Variants in DIAPH1 observed in about 807,000 individuals in gnomAD.
The protein encoded by DIAPH1 is protein diaphanous homolog 1.
Under a neutral mutation model 140.7 loss-of-function variants are expected in DIAPH1, and 46 were observed. The ratio of observed to expected loss-of-function variants is 0.33; its 90% CI spans 0.26 to 0.42. The LOEUF (loss-of-function observed/expected upper bound fraction) is 0.42. Among genes scored for constraint, DIAPH1 ranks in the 10% least tolerant of loss-of-function variants. DIAPH1 has a pLI of 1.00. For missense variants in DIAPH1, 1,310 were observed against 1,558.7 expected (o/e 0.84, Z 2.69); for synonymous variants, 565 against 551.6 (o/e 1.02, Z -0.34).
At chr5:141,616,988 G>A (rs927744217) in intron 1 of DIAPH1, among the ~76,000 whole-genome samples, 2 of 152,146 alleles carry the variant, frequency 1.3e-5, no homozygotes, top group Non-Finnish European at 2.9e-5. Flanking sequence ...TCACAAGTTC[G>A]TGAAATAATT....
intron 1 of DIAPH1, among the ~76,000 whole-genome samples, chr5:141,597,161 G>A (rs934535947): frequency 1.3e-5 from 2 of 152,140 alleles, no homozygotes; most frequent in African/African-American, 2.4e-5. Context: ...TCCCAGTATT[G>A]AAGGATAAGT....
chr5:141,610,206 A>G (rs1199099993), intron 1 of DIAPH1, among the ~76,000 whole-genome samples: 1 of 152,086 alleles, frequency 6.6e-6, no homozygotes, highest in Non-Finnish European at 1.5e-5. Context: ...TGTATGGCTC[A>G]CTGCAACCTC....
chr5:141,610,782 TA>T (rs1014213668), intron 1 of DIAPH1, among the ~76,000 whole-genome samples: 1 of 150,426 alleles, frequency 6.6e-6, no homozygotes, highest in Admixed American at 6.6e-5. Context: ...AAATAAAACA[TA>T]AAAAAAATTA....
intron 18 of DIAPH1, among the ~76,000 whole-genome samples, chr5:141,557,001 T>C (rs1021619997): frequency 1.3e-5 from 2 of 152,142 alleles, no homozygotes; most frequent in African/African-American, 4.8e-5. Context: ...GGCAGAGATC[T>C]TTTTAAAAGA....
intron 27 of DIAPH1, among the ~76,000 whole-genome samples, chr5:141,521,200 TTAGA>T (rs2099886486): frequency 6.6e-6 from 1 of 152,212 alleles, no homozygotes; most frequent in African/African-American, 2.4e-5. Context: ...TATGGTTCTG[TTAGA>T]TGGATGGAGC....
intron 12 of DIAPH1, among the ~76,000 whole-genome samples, chr5:141,577,241 C>G (rs2099896101): frequency 6.6e-6 from 1 of 152,190 alleles, no homozygotes; most frequent in Non-Finnish European, 1.5e-5. Context: ...TTTACCTACT[C>G]CCCTCCAAAA....
intron 18 of DIAPH1, among the ~76,000 whole-genome samples, chr5:141,544,817 GGA>G (rs1342365298): frequency 6.6e-6 from 1 of 152,170 alleles, no homozygotes; most frequent in Admixed American, 6.5e-5. Context: ...CAGCCACTTT[GGA>G]AAACAGTTTG....
intron 1 of DIAPH1, among the ~76,000 whole-genome samples, chr5:141,589,851 T>A (rs1408507639): frequency 2.0e-5 from 3 of 152,216 alleles, no homozygotes; most frequent in Non-Finnish European, 4.4e-5. Flanking sequence ...TGTGAATTTT[T>A]CTTCATCCTG....
chr5:141,608,332 T>C (rs577702047), intron 1 of DIAPH1, among the ~76,000 whole-genome samples: 17 of 152,288 alleles, frequency 1.1e-4, no homozygotes, highest in Admixed American at 9.2e-4. Context: ...AGGGGTTGAA[T>C]TAGATAATTC....
In DIAPH1 at chr5:141,524,163, C is replaced by T. The variant is rs373679838; in HGVS notation, c.3641G>A (p.Arg1214Gln). ...CTTACCTTGACGGGGCCCTCTCTTCCGTCGGAATGCTGCCCCTGACTGCAG... is the reference window on the plus strand; with the variant it reads ...CTTACCTTGACGGGGCCCTCTCTTCTGTCGGAATGCTGCCCCTGACTGCAG... ...EALQSGAAFR[R>Q]KRGPRQANRK... Residue 1214 changes from arginine (R) to glutamine (Q), a missense_variant, in exon 27 of 28, where the codon CGG becomes CAG. Arg to Gln is a conservative substitution (Grantham distance 43). This residue lies in a region of DIAPH1 where 344 missense variants were observed against 512.2 expected (regional missense o/e 0.67). Transcript: ENST00000389054. The T allele has an allele frequency of 1.9e-5, 30 of 1,614,022 alleles. No homozygotes were observed. The highest frequency in any genetic ancestry group is 2.3e-5 in the Non-Finnish European group (27 of 1,180,032).
chr5:141,567,822 C>T (rs2099894607), intron 18 of DIAPH1, among the ~76,000 whole-genome samples: 1 of 152,200 alleles, frequency 6.6e-6, no homozygotes, highest in Non-Finnish European at 1.5e-5. Flanking sequence ...GACAGGTAAA[C>T]CTATCTGTTA....
In DIAPH1 at chr5:141,576,257, T is replaced by A; in HGVS notation, c.1434A>T (p.Glu478Asp). ...TCTTTTCCAGCTCTGCAGCTTTGGC[T>A]TCAGATTTCTCCACCTTTGTCTTAT... ...MIDKTKVEKS[E>D]AKAAELEKKL... The change falls in exon 14 of 28, where the codon GAA becomes GAT. Residue 478 changes from glutamate (E) to aspartate (D), a missense_variant. By Grantham distance (45) the Glu-to-Asp change is conservative (BLOSUM62 2). Coordinates refer to ENST00000389054, the MANE Select transcript of DIAPH1 (RefSeq NM_005219.5). The A allele has an allele frequency of 6.2e-7, 1 of 1,614,096 alleles. No individual in the cohort carries two copies. The highest frequency in any genetic ancestry group is 8.5e-7 in the Non-Finnish European group (1 of 1,179,912).
chr5:141,577,694 C>A, intron 11 of DIAPH1, 103 bp from the exon 12 acceptor site: 1 of 777,042 alleles, frequency 1.3e-6, no homozygotes, highest in Non-Finnish European at 2.3e-6. Flanking sequence ...AGCAAGACAC[C>A]ACTTCCATTC....
At chr5:141,517,080 T>C in intron 27 of DIAPH1, 72 bp from the exon 28 acceptor site, 2 of 1,570,968 alleles carry the variant, frequency 1.3e-6, no homozygotes, top group Non-Finnish European at 8.7e-7. Flanking sequence ...CTACAGCAGA[T>C]AATCAGCGTA....
intron 18 of DIAPH1, among the ~76,000 whole-genome samples, chr5:141,547,896 T>TA (rs558901029): frequency 8.0e-5 from 12 of 149,988 alleles, no homozygotes; most frequent in South Asian, 2.1e-4. Flanking sequence ...AAATCAGAGT[T>TA]AAAAAAAAAA....
intron 18 of DIAPH1, among the ~76,000 whole-genome samples, chr5:141,569,555 G>C (rs1016318143): frequency 5.9e-5 from 9 of 152,036 alleles, no homozygotes; most frequent in Non-Finnish European, 1.2e-4. Flanking sequence ...CTGAGGTCAG[G>C]AGTTCAAGAC....
intron 27 of DIAPH1, chr5:141,519,140 C>A: frequency 1.3e-6 from 1 of 785,424 alleles, no homozygotes; most frequent in South Asian, 1.5e-5. Context: ...TGCCCCGTGA[C>A]TGAGACAAGT....
chr5:141,558,341 CT>C (rs960507245), intron 18 of DIAPH1: 12 of 152,204 alleles, frequency 7.9e-5, no homozygotes, highest in Admixed American at 7.2e-4. Context: ...CAATAATGGA[CT>C]AATGACCCCC....
At position 141,576,789 on chromosome 5, in the gene DIAPH1, G is replaced by A. The variant is rs756545968; in HGVS notation, c.1363C>T (p.Arg455Trp). Residue 455 changes from arginine to tryptophan, a missense_variant, in exon 13 of 28, where the codon CGG (arginine) becomes TGG (tryptophan). By Grantham distance (101) the Arg-to-Trp change is moderately radical (BLOSUM62 -3). Transcript: ENST00000389054. ...KNGADPDFKC[R>W]HLQIEIEGLI... ...CCCTCAATCTCAATCTGGAGGTGCC[G>A]GCACTTGAAGTCAGGATCAGCCCCG... The A allele has an allele frequency of 4.3e-6, 7 of 1,613,554 alleles. No homozygotes were observed. The East Asian group carries it at 6.7e-5, about 15-fold the overall frequency.
Sources: allele counts gnomAD v4.1 joint callset (sites outside exome capture counted in the v4.1 genomes callset), GRCh38; gene constraint gnomAD v4.1.1; regional missense constraint gnomAD v4.1.1; transcripts MANE v1.5; gene names NCBI Gene and HGNC (gene_info 2026-07-23, HGNC 2026-07-21).